The following NRP1 variants were observed in gnomAD, a reference collection of about 807,000 sequenced individuals.
NRP1 encodes neuropilin-1.
Under a neutral mutation model 106.7 loss-of-function variants are expected in NRP1, and 35 were observed. The ratio of observed to expected loss-of-function variants is 0.33; its 90% CI spans 0.25 to 0.43. The LOEUF (loss-of-function observed/expected upper bound fraction) is 0.43. NRP1 is among the 20% of genes least tolerant of loss of function. The probability of loss-of-function intolerance (pLI) is 1.00; values close to 1 mark genes in which losing one functional copy is unlikely to be tolerated. For synonymous variants in NRP1, 437 were observed against 417.9 expected, an observed-to-expected ratio of 1.05 and a Z score of -0.56; for missense variants, 1,024 against 1,170.4, an observed-to-expected ratio of 0.87 and a Z score of 1.83.
intron 2 of NRP1, among the ~76,000 whole-genome samples, chr10:33,321,648 G>A (rs1847521099): frequency 6.6e-6 from 1 of 152,170 alleles, no homozygotes; most frequent in South Asian, 2.1e-4. Flanking sequence ...TTCTTTCCAT[G>A]CCACTTCCTG....
intron 15 of NRP1, among the ~76,000 whole-genome samples, chr10:33,185,177 G>T (rs867664364): frequency 2.0e-5 from 3 of 152,154 alleles, no homozygotes; most frequent in Middle Eastern, 3.2e-3. Flanking sequence ...ATAAAGCAAA[G>T]AATTATGGCT....
Position 33,179,769 on chromosome 10 carries a change from GA to G in NRP1, c.*306del. 1 of 225,320 alleles carries G rather than the reference GA, an allele frequency of 4.4e-6. No individual in the cohort carries two copies. The highest frequency in any genetic ancestry group is 9.5e-5 in the South Asian group (1 of 10,496). The allele number at this position is 225,320 out of a possible 1,614,324, so 14.0% of individuals were successfully genotyped here. On this transcript the variant is annotated 3_prime_UTR_variant, in exon 17 of 17. Coordinates refer to ENST00000374867, the MANE Select transcript of NRP1 (RefSeq NM_003873.7). Reference sequence around the variant, plus strand: ...CAAAAAGAATCCACAAAGGGGAGAGGAGAGAGAGAGAGAGGGGCAGGAGGGG... The same window carrying G: ...CAAAAAGAATCCACAAAGGGGAGAGGGAGAGAGAGAGAGGGGCAGGAGGGG...
intron 7 of NRP1, among the ~76,000 whole-genome samples, chr10:33,222,643 C>T (rs553393958): frequency 5.3e-5 from 8 of 152,104 alleles, no homozygotes; most frequent in Non-Finnish European, 1.2e-4. Context: ...GCCTCAGCCT[C>T]CTGAGTAGCT....
intron 6 of NRP1, among the ~76,000 whole-genome samples, chr10:33,240,206 C>T (rs1351224900): frequency 1.3e-5 from 2 of 152,194 alleles, no homozygotes; most frequent in Non-Finnish European, 2.9e-5. Flanking sequence ...CACACAGACA[C>T]ACACACACCT....
Position 33,213,027 on chromosome 10 carries a change from G to C in NRP1, c.1614+359C>G. The C allele has an allele frequency of 5.4e-6, 3 of 553,582 alleles. No individual in the cohort carries two copies. In the South Asian group the frequency reaches 8.0e-5, roughly 15 times the overall value. The allele number at this position is 553,582 out of a possible 1,614,324, so 34.3% of individuals were successfully genotyped here. On this transcript the variant is annotated intron_variant, in intron 9 of 16. Coordinates refer to ENST00000374867, the MANE Select transcript of NRP1 (RefSeq NM_003873.7). ...CTTAAACTAGGGGTAGGTTTGAGAT[G>C]GGGGGAGGGCAGACCCAAACGACTG...
intron 8 of NRP1, among the ~76,000 whole-genome samples, chr10:33,216,936 A>G (rs1281394853): frequency 6.6e-6 from 1 of 152,098 alleles, no homozygotes; most frequent in African/African-American, 2.4e-5. Context: ...GGCAGCTGTC[A>G]TTTTCTCAAT....
chr10:33,197,398 G>A (rs1836862537), intron 12 of NRP1, among the ~76,000 whole-genome samples: 1 of 152,214 alleles, frequency 6.6e-6, no homozygotes, highest in Non-Finnish European at 1.5e-5. Context: ...AACAAAGTAT[G>A]TTACTCCGTT....
chr10:33,285,759 G>C (rs2804475), intron 2 of NRP1, among the ~76,000 whole-genome samples: 16,595 of 152,128 alleles, frequency 0.11, 1,077 homozygotes, highest in East Asian at 0.29. Flanking sequence ...CTTGAACCCG[G>C]GAGGCTGAGG....
At chr10:33,219,477 C>T (rs1351727242) in intron 8 of NRP1, among the ~76,000 whole-genome samples, 1 of 152,090 alleles carries the variant, frequency 6.6e-6, no homozygotes, top group Non-Finnish European at 1.5e-5. Flanking sequence ...ATAGTGGAGA[C>T]CATGATTAAG....
Position 33,334,324 on chromosome 10 carries a change from C to T in NRP1, c.59G>A (p.Gly20Asp). The T allele has an allele frequency of 6.5e-7, 1 of 1,543,280 alleles. No individual in the cohort carries two copies. Among genetic ancestry groups the T allele is most frequent in the Non-Finnish European group, 8.7e-7 (1 of 1,146,504 alleles). ...CTGTCACTTACCGTTGCGAAAAGCG[C>T]CGGCCGGGGCGAGGACGAGGGCGAG... ...AVLALVLAPA[G>D]AFRNDKCGDT... is the part of the protein sequence containing the mutation. The change falls in exon 1 of 17, where the codon GGC (glycine) becomes GAC (aspartate). Residue 20 changes from glycine to aspartate, a missense_variant. Gly to Asp is a moderately conservative substitution (Grantham distance 94, BLOSUM62 -1). Coordinates refer to ENST00000374867, the MANE Select transcript of NRP1 (RefSeq NM_003873.7).
intron 2 of NRP1, among the ~76,000 whole-genome samples, chr10:33,325,779 G>T (rs921471247): frequency 6.6e-6 from 1 of 152,052 alleles, no homozygotes; most frequent in African/African-American, 2.4e-5. Context: ...ACAAGTATGC[G>T]ATCTTCCTTT....
At chr10:33,319,588 C>CTTTTTTTTT (rs35886672) in intron 2 of NRP1, among the ~76,000 whole-genome samples, 1 of 115,618 alleles carries the variant, frequency 8.6e-6, no homozygotes, top group African/African-American at 3.3e-5. Flanking sequence ...TTCTTTCTTT[C>CTTTTTTTTT]TTTTTTTTTT....
At chr10:33,321,674 G>T (rs1042320656) in intron 2 of NRP1, among the ~76,000 whole-genome samples, 7 of 152,168 alleles carry the variant, frequency 4.6e-5, no homozygotes, top group Non-Finnish European at 1.0e-4. Flanking sequence ...CTTGTATCTT[G>T]CATAATAGCT....
At chr10:33,305,958 G>A (rs1846126412) in intron 2 of NRP1, among the ~76,000 whole-genome samples, 1 of 151,816 alleles carries the variant, frequency 6.6e-6, no homozygotes. Flanking sequence ...TAGTAGAGAT[G>A]GGGTTTCACC....
chr10:33,310,539 C>G (rs929507077), intron 2 of NRP1, among the ~76,000 whole-genome samples: 2 of 152,214 alleles, frequency 1.3e-5, no homozygotes, highest in African/African-American at 4.8e-5. Context: ...GAGTGAGCCA[C>G]CGCGCCCAGC....
chr10:33,315,742 T>C (rs1301284951), intron 2 of NRP1, among the ~76,000 whole-genome samples: 3 of 152,160 alleles, frequency 2.0e-5, no homozygotes, highest in African/African-American at 7.2e-5. Context: ...ATTTACTTGG[T>C]GGCTGGTTAT....
intron 2 of NRP1, among the ~76,000 whole-genome samples, chr10:33,309,654 G>A (rs924621019): frequency 5.7e-4 from 87 of 152,186 alleles, no homozygotes; most frequent in African/African-American, 2.1e-3. Flanking sequence ...GCAAGACACT[G>A]TTGTAACTGG....
At chr10:33,288,895 G>C (rs1401739966) in intron 2 of NRP1, among the ~76,000 whole-genome samples, 1 of 152,248 alleles carries the variant, frequency 6.6e-6, no homozygotes, top group East Asian at 1.9e-4. Flanking sequence ...GGGGGGTCTT[G>C]TGTGCCTTAT....
intron 3 of NRP1, among the ~76,000 whole-genome samples, chr10:33,265,301 G>A (rs992051440): frequency 6.6e-6 from 1 of 152,164 alleles, no homozygotes; most frequent in South Asian, 2.1e-4. Context: ...AAATCTGGGG[G>A]TGTTCAGTTC....
Sources: allele counts gnomAD v4.1 joint callset (sites outside exome capture counted in the v4.1 genomes callset), GRCh38; gene constraint gnomAD v4.1.1; transcripts MANE v1.5; gene names NCBI Gene and HGNC (gene_info 2026-07-23, HGNC 2026-07-21).